Variants in ADAMTS19 observed in about 807,000 individuals in gnomAD.
ADAMTS19 encodes A disintegrin and metalloproteinase with thrombospondin motifs 19.
In ADAMTS19, 93 loss-of-function variants were observed where a neutral mutation model predicts 153.3. The observed-to-expected ratio is 0.61, with a 90% CI of 0.51 to 0.72. The LOEUF is 0.72. Among genes scored for constraint, ADAMTS19 ranks in the 30% least tolerant of loss-of-function variants. ADAMTS19 has a pLI of 0.00. For missense variants in ADAMTS19, 1,482 were observed against 1,552.1 expected (o/e 0.95, Z 0.76); for synonymous variants, 600 against 556.6 (o/e 1.08, Z -1.10).
At chr5:129,526,243 C>G in intron 3 of ADAMTS19, 41 bp from the exon 4 acceptor site, 1 of 1,487,588 alleles carries the variant, frequency 6.7e-7, no homozygotes, top group African/African-American at 1.5e-5. Flanking sequence ...TTCACTTTGC[C>G]AATATGAAGG....
At chr5:129,488,447 G>C (rs1750666294) in intron 2 of ADAMTS19, among the ~76,000 whole-genome samples, 1 of 151,898 alleles carries the variant, frequency 6.6e-6, no homozygotes, top group Non-Finnish European at 1.5e-5. Context: ...AAAGTAATTT[G>C]GTTTTTTCAA....
At chr5:129,582,472 G>C (rs1749562558) in intron 7 of ADAMTS19, among the ~76,000 whole-genome samples, 1 of 151,130 alleles carries the variant, frequency 6.6e-6, no homozygotes, top group African/African-American at 2.4e-5. Flanking sequence ...ATCTCCCTTT[G>C]AGCCTATGTG....
intron 6 of ADAMTS19, among the ~76,000 whole-genome samples, chr5:129,536,929 G>A (rs1752455529): frequency 6.7e-6 from 1 of 149,296 alleles, no homozygotes; most frequent in Non-Finnish European, 1.5e-5. Flanking sequence ...GGTCGGGGGA[G>A]GGATAGCATT....
intron 8 of ADAMTS19, among the ~76,000 whole-genome samples, chr5:129,609,466 AGCCTT>A (rs1751091943): frequency 1.3e-5 from 2 of 152,210 alleles, no homozygotes; most frequent in Non-Finnish European, 2.9e-5. Flanking sequence ...GGAGATTTTC[AGCCTT>A]CACTGGCCTT....
chr5:129,634,828 A>T (rs1048984871), intron 10 of ADAMTS19, among the ~76,000 whole-genome samples: 2 of 152,116 alleles, frequency 1.3e-5, no homozygotes, highest in African/African-American at 4.8e-5. Context: ...CATTCTGGAC[A>T]TAGGAACAAG....
At position 129,641,927 on chromosome 5, in the gene ADAMTS19, A is replaced by G; in HGVS notation, c.1839A>G (p.Pro613=). The G allele has an allele frequency of 6.2e-7, 1 of 1,602,496 alleles. No homozygotes were observed. Among genetic ancestry groups the G allele is most frequent in the Non-Finnish European group, 8.5e-7 (1 of 1,173,324 alleles). ...AAGAATGCAGAACCAAGCTAGACCC[A>G]CCAATGGATGGAACTGACTGTGACC... is the stretch of plus-strand genomic sequence containing the variant. ...GEKECRTKLD[P]PMDGTDCDLG... The change falls in exon 11 of 23, where the codon CCA becomes CCG. Residue 613 remains proline (P), a synonymous_variant. Transcript: ENST00000274487.
At chr5:129,594,654 CT>C in intron 7 of ADAMTS19, among the ~76,000 whole-genome samples, 1 of 152,120 alleles carries the variant, frequency 6.6e-6, no homozygotes, top group African/African-American at 2.4e-5. Context: ...TCGTTTTCCA[CT>C]CTTTGTTGTA....
intron 3 of ADAMTS19, among the ~76,000 whole-genome samples, chr5:129,511,687 C>T (rs1751442117): frequency 6.6e-6 from 1 of 151,208 alleles, no homozygotes; most frequent in Non-Finnish European, 1.5e-5. Context: ...CTTATTAAGA[C>T]TAGAGGGAGA....
chr5:129,463,158 G>A (rs575492257), intron 2 of ADAMTS19, among the ~76,000 whole-genome samples: 1 of 152,174 alleles, frequency 6.6e-6, no homozygotes, highest in African/African-American at 2.4e-5. Context: ...AGATTTCATT[G>A]TCCACTAGCT....
chr5:129,669,628 T>G (rs987013821), intron 16 of ADAMTS19, among the ~76,000 whole-genome samples: 6 of 152,104 alleles, frequency 3.9e-5, no homozygotes, highest in Admixed American at 6.6e-5. Context: ...TAATCTAATC[T>G]TATCTGCTTT....
intron 2 of ADAMTS19, among the ~76,000 whole-genome samples, chr5:129,475,848 G>T (rs921828888): frequency 2.0e-5 from 3 of 152,092 alleles, no homozygotes; most frequent in Non-Finnish European, 4.4e-5. Context: ...AAAATAAATT[G>T]TTTTGGCCAT....
In ADAMTS19 at chr5:129,531,581, C is replaced by T. The variant is rs540035596; in HGVS notation, c.1328+2904C>T. On this transcript the variant is annotated intron_variant, in intron 6 of 22. Transcript: ENST00000274487. ...CAGAGGTTGCAGTGAGCCAAGATTG[C>T]GCTACTGCACGCCAGCCTGGGCGAC... Among the ~76,000 whole-genome samples the T allele has an allele frequency of 7.6e-4, 115 of 152,188 alleles. 1 individual carries two copies. The highest frequency in any genetic ancestry group is 6.9e-3 in the Admixed American group (106 of 15,288).
At chr5:129,641,780 A>T in intron 10 of ADAMTS19, 79 bp from the exon 11 acceptor site, 1 of 820,454 alleles carries the variant, frequency 1.2e-6, no homozygotes, top group Non-Finnish European at 1.9e-6. Context: ...CTATCAAAAT[A>T]GCTTTCTTAA....
At chr5:129,493,939 C>T (rs909796819) in intron 2 of ADAMTS19, among the ~76,000 whole-genome samples, 4 of 151,668 alleles carry the variant, frequency 2.6e-5, no homozygotes, top group Admixed American at 6.6e-5. Flanking sequence ...AAGAATCACA[C>T]CCTAGTTACA....
chr5:129,719,720 G>T (rs1428086383), intron 21 of ADAMTS19, among the ~76,000 whole-genome samples: 1 of 152,138 alleles, frequency 6.6e-6, no homozygotes, highest in African/African-American at 2.4e-5. Context: ...CAAACTGCCA[G>T]TTGAAGAAAT....
chr5:129,507,030 G>C (rs1295870837), intron 2 of ADAMTS19, among the ~76,000 whole-genome samples: 1 of 151,936 alleles, frequency 6.6e-6, no homozygotes, highest in Non-Finnish European at 1.5e-5. Context: ...TTTTCTTGGA[G>C]TCATTAAATT....
rs762114233 is a variant in ADAMTS19, at chr5:129,578,079, CATATATACATATACAT to C, written c.1373-18478_1373-18463del. 2.9e-4 allele frequency among the ~76,000 whole-genome samples: 26 copies of C among 88,420 alleles called. 1 individual carries two copies. The highest frequency in any genetic ancestry group is 1.8e-3 in the Admixed American group (15 of 8,278). 58.0% of individuals were successfully genotyped at this position (88,420 alleles called of 152,430 possible). On this transcript the variant is annotated intron_variant, in intron 7 of 22. Coordinates refer to ENST00000274487, the MANE Select transcript of ADAMTS19 (RefSeq NM_133638.6). ...ACACACACACACACACACACACACA[CATATATACATATACAT>C]ACATATACATATGCATGTATATGTA...
rs1296543298 is a variant in ADAMTS19, at chr5:129,548,259, T to A, written c.1329-3605T>A. Among the ~76,000 whole-genome samples, 8 of 147,970 alleles carry A rather than the reference T, an allele frequency of 5.4e-5. No individual in the cohort carries two copies. The East Asian group carries it at 7.8e-4, about 14-fold the overall frequency. ...AGGCAACCTACAAAATGGGAGAAAA[T>A]TTTCACAACCTACTCATCTGACAAA... On this transcript the variant is annotated intron_variant, in intron 6 of 22. Coordinates refer to ENST00000274487, the MANE Select transcript of ADAMTS19 (RefSeq NM_133638.6).
In ADAMTS19 at chr5:129,461,785, A is replaced by G; in HGVS notation, c.747+28A>G. 2 of 1,473,522 alleles carry G rather than the reference A, an allele frequency of 1.4e-6. No homozygotes were observed. The highest frequency in any genetic ancestry group is 1.8e-6 in the Non-Finnish European group (2 of 1,121,180). 91.3% of individuals were successfully genotyped at this position (1,473,522 alleles called of 1,614,324 possible). A position where few individuals can be genotyped will look rare whatever the true frequency, so the allele number is the denominator to read the frequency against. On this transcript the variant is annotated intron_variant, in intron 2 of 22. Coordinates refer to ENST00000274487, the MANE Select transcript of ADAMTS19 (RefSeq NM_133638.6). This position sits in a 1 kb window ranked among gnomAD's most constrained non-coding sequence, Gnocchi z 4.6. ...AAGCGCCTTCTTTCCCTAGCTCTCC[A>G]TTTTCCCCTGCTGCTCCTCTCCTTG...
Sources: allele counts gnomAD v4.1 joint callset (sites outside exome capture counted in the v4.1 genomes callset), GRCh38; gene constraint gnomAD v4.1.1; non-coding constraint Gnocchi (gnomAD v3.1); transcripts MANE v1.5; gene names NCBI Gene and HGNC (gene_info 2026-07-23, HGNC 2026-07-21).